The following PAIP2B variants were observed in gnomAD, a reference collection of about 807,000 sequenced individuals.
PAIP2B encodes polyadenylate-binding protein-interacting protein 2B.
In PAIP2B, 13 loss-of-function variants were observed where a neutral mutation model predicts 17.0. The ratio of observed to expected loss-of-function variants is 0.76; its 90% CI spans 0.50 to 1.22. The LOEUF (loss-of-function observed/expected upper bound fraction) is 1.22, where lower values mean the gene tolerates loss of function less well. Among genes scored for constraint, PAIP2B ranks in the 50% most tolerant of loss-of-function variants. The pLI is 0.00. For synonymous variants in PAIP2B, 43 were observed against 48.7 expected, an observed-to-expected ratio of 0.88 and a Z score of 0.48; for missense variants, 117 against 144.5, an observed-to-expected ratio of 0.81 and a Z score of 0.98.
intron 1 of PAIP2B, among the ~76,000 whole-genome samples, chr2:71,204,331 C>T (rs550624531): frequency 6.6e-6 from 1 of 152,252 alleles, no homozygotes; most frequent in South Asian, 2.1e-4. Flanking sequence ...TCCATCTTGG[C>T]AACACTTGTG....
At chr2:71,203,126 A>G (rs1675028498) in intron 1 of PAIP2B, among the ~76,000 whole-genome samples, 1 of 152,136 alleles carries the variant, frequency 6.6e-6, no homozygotes, top group Non-Finnish European at 1.5e-5. Flanking sequence ...AGAACAATTA[A>G]CAATGTTGCG....
intron 1 of PAIP2B, among the ~76,000 whole-genome samples, chr2:71,209,408 A>T (rs1274781159): frequency 2.0e-5 from 3 of 151,866 alleles, no homozygotes; most frequent in African/African-American, 7.3e-5. Context: ...GGTCCTGGGA[A>T]GGCAGAAGGG....
At position 71,187,979 on chromosome 2, in the gene PAIP2B, C is replaced by A; in HGVS notation, c.*500G>T. 1 of 156,650 alleles carries A rather than the reference C, an allele frequency of 6.4e-6. No homozygotes were observed. The highest frequency in any genetic ancestry group is 1.9e-4 in the East Asian group (1 of 5,300). 9.7% of individuals were successfully genotyped at this position (156,650 alleles called of 1,614,324 possible). ...GTTATCCGAGTTCATTGCAGGAGACCCCGGGGGTGGGGCAGCTGAGCCTCA... is the reference window on the plus strand; with the variant it reads ...GTTATCCGAGTTCATTGCAGGAGACACCGGGGGTGGGGCAGCTGAGCCTCA... On this transcript the variant is annotated 3_prime_UTR_variant, in exon 4 of 4. Transcript: ENST00000244221.
chr2:71,192,306 G>C (rs1199944870), intron 2 of PAIP2B, among the ~76,000 whole-genome samples: 3 of 145,950 alleles, frequency 2.1e-5, no homozygotes. Context: ...TGGCAACCTT[G>C]CATCAAGCAA....
rs556157198 is a variant in PAIP2B, at chr2:71,186,190, T to C, written c.*2289A>G. ...GAAGGTCCAACAAGACACACATGCATTTTCTGCTAAGAAGGTAGCAAACTC... is the reference window on the plus strand; with the variant it reads ...GAAGGTCCAACAAGACACACATGCACTTTCTGCTAAGAAGGTAGCAAACTC... On this transcript the variant is annotated 3_prime_UTR_variant, in exon 4 of 4. Transcript: ENST00000244221. 5.3e-5 allele frequency: 8 copies of C among 152,332 alleles called. No homozygotes were observed. In the South Asian group the frequency reaches 1.7e-3, roughly 32 times the overall value. The allele number at this position is 152,332 out of a possible 1,614,324, so 9.4% of individuals were successfully genotyped here.
In PAIP2B at chr2:71,210,655, A is replaced by G. The variant is rs535634419; in HGVS notation, c.-11-8055T>C. ...GAGGAAAATCACTTATGTGGTCCCT[A>G]TATTTGTAAAATATATCAAAACAAA... is the stretch of plus-strand genomic sequence containing the variant. On this transcript the variant is annotated intron_variant, in intron 1 of 3. Coordinates refer to ENST00000244221, the MANE Select transcript of PAIP2B (RefSeq NM_020459.1). Among the ~76,000 whole-genome samples, 5 of 152,366 alleles carry G rather than the reference A, an allele frequency of 3.3e-5. No homozygotes were observed. The East Asian group carries it at 5.8e-4, about 18-fold the overall frequency.
chr2:71,225,747 A>C (rs1002746390), intron 1 of PAIP2B, among the ~76,000 whole-genome samples: 1 of 152,236 alleles, frequency 6.6e-6, no homozygotes. Context: ...ACTTAGGCAC[A>C]GCATAGTTTG....
At chr2:71,212,866 GCCTCAGCCTC>G (rs1675335815) in intron 1 of PAIP2B, among the ~76,000 whole-genome samples, 1 of 151,860 alleles carries the variant, frequency 6.6e-6, no homozygotes, top group Non-Finnish European at 1.5e-5. Flanking sequence ...CAATCCTCCT[GCCTCAGCCTC>G]CCAGGTAGCT....
chr2:71,220,334 T>A (rs1330461341), intron 1 of PAIP2B, among the ~76,000 whole-genome samples: 1 of 152,206 alleles, frequency 6.6e-6, no homozygotes, highest in African/African-American at 2.4e-5. Context: ...AATAAAGGGA[T>A]AAACAGAACA....
At chr2:71,205,888 C>T (rs1484944458) in intron 1 of PAIP2B, among the ~76,000 whole-genome samples, 1 of 152,112 alleles carries the variant, frequency 6.6e-6, no homozygotes, top group Non-Finnish European at 1.5e-5. Flanking sequence ...TACAGAGAGG[C>T]TCATGGGAGA....
At chr2:71,211,602 G>GGA (rs531164907) in intron 1 of PAIP2B, among the ~76,000 whole-genome samples, 1 of 133,590 alleles carries the variant, frequency 7.5e-6, no homozygotes, top group Non-Finnish European at 1.6e-5. Flanking sequence ...AATGCTCTTT[G>GGA]AAAAAAAAAA....
chr2:71,188,206 G>A lies in PAIP2B; in HGVS notation c.*273C>T, dbSNP rs966033893. On this transcript the variant is annotated 3_prime_UTR_variant, in exon 4 of 4. Coordinates refer to ENST00000244221, the MANE Select transcript of PAIP2B (RefSeq NM_020459.1). ...CGCGGAACACTTCTGATGAAGGGGG[G>A]AAAATGCAATTTCCTTAACTCGAAA... 1.4e-4 allele frequency: 63 copies of A among 464,940 alleles called. No homozygotes were observed. Among genetic ancestry groups the A allele is most frequent in the Non-Finnish European group, 2.3e-4 (59 of 261,158 alleles). 28.8% of individuals were successfully genotyped at this position (464,940 alleles called of 1,614,324 possible).
intron 2 of PAIP2B, among the ~76,000 whole-genome samples, chr2:71,193,310 A>T (rs1411752225): frequency 6.6e-6 from 1 of 151,978 alleles, no homozygotes; most frequent in Non-Finnish European, 1.5e-5. Context: ...TGTAAATTTA[A>T]GTTCCTTATA....
chr2:71,213,782 C>T (rs989088779), intron 1 of PAIP2B, among the ~76,000 whole-genome samples: 13 of 152,050 alleles, frequency 8.5e-5, no homozygotes, highest in African/African-American at 3.1e-4. Context: ...ACAAGTTTCT[C>T]CAGGCCTTTA....
At chr2:71,195,022 A>C (rs762937993) in intron 2 of PAIP2B, among the ~76,000 whole-genome samples, 2 of 152,374 alleles carry the variant, frequency 1.3e-5, no homozygotes, top group South Asian at 2.1e-4. Flanking sequence ...TTACATGATG[A>C]ATCACATTTA....
At position 71,202,541 on chromosome 2, in the gene PAIP2B, C is replaced by T. The variant is rs781064871; in HGVS notation, c.49G>A (p.Glu17Lys). The change falls in exon 2 of 4, where the codon GAG becomes AAG. Residue 17 changes from glutamate (E) to lysine (K), a missense_variant. Transcript: ENST00000244221. Reference sequence around the variant, plus strand: ...TCGTGCCCACTTAACCCCTGGTCCTCTTTGGATTTTACACTCGGTGATGTA... The same window carrying T: ...TCGTGCCCACTTAACCCCTGGTCCTTTTTGGATTTTACACTCGGTGATGTA... ...ANTSPSVKSK[E>K]DQGLSGHDEK... The T allele has an allele frequency of 1.2e-6, 2 of 1,613,798 alleles. No homozygotes were observed. The highest frequency in any genetic ancestry group is 1.7e-5 in the Admixed American group (1 of 60,008).
chr2:71,198,963 A>G (rs1191178570), intron 2 of PAIP2B, among the ~76,000 whole-genome samples: 1 of 151,994 alleles, frequency 6.6e-6, no homozygotes, highest in African/African-American at 2.4e-5. Context: ...CTTTGTTCCT[A>G]TTCATATTCT....
intron 1 of PAIP2B, among the ~76,000 whole-genome samples, chr2:71,205,391 C>A (rs567989692): frequency 6.6e-6 from 1 of 152,316 alleles, no homozygotes; most frequent in East Asian, 1.9e-4. Flanking sequence ...TAATAAAGCA[C>A]TTTCATACCC....
At chr2:71,200,617 T>A (rs543887961) in intron 2 of PAIP2B, among the ~76,000 whole-genome samples, 1 of 152,204 alleles carries the variant, frequency 6.6e-6, no homozygotes, top group Admixed American at 6.5e-5. Flanking sequence ...CCAGGGATGG[T>A]GACACATGCC....
Sources: allele counts gnomAD v4.1 joint callset (sites outside exome capture counted in the v4.1 genomes callset), GRCh38; gene constraint gnomAD v4.1.1; transcripts MANE v1.5; gene names NCBI Gene and HGNC (gene_info 2026-07-23, HGNC 2026-07-21).